CPSF3: variants seen among roughly 807,000 people sequenced by gnomAD.
CPSF3 encodes the protein cleavage and polyadenylation specific factor 3, also known as cleavage and polyadenylation specificity factor subunit 3.
In CPSF3, 57 loss-of-function variants were observed where a neutral mutation model predicts 84.1. The observed-to-expected ratio is 0.68, with a 90% CI of 0.55 to 0.85. CPSF3 has a LOEUF of 0.85. CPSF3 is among the 40% of genes least tolerant of loss of function. The probability of loss-of-function intolerance (pLI) is 0.00; values close to 1 mark genes in which losing one functional copy is unlikely to be tolerated. For synonymous variants in CPSF3, 275 were observed against 278.1 expected (o/e 0.99, Z 0.11); for missense variants, 522 against 838.8 (o/e 0.62, Z 4.66).
chr2:9,470,694 CTCAGCTGTT>C (rs1224142764), intron 16 of CPSF3, among the ~76,000 whole-genome samples: 1 of 152,208 alleles, frequency 6.6e-6, no homozygotes, highest in African/African-American at 2.4e-5. Flanking sequence ...TGAATGCCGG[CTCAGCTGTT>C]TACTAGCTGT....
chr2:9,444,461 T>C (rs1481689738), intron 10 of CPSF3, among the ~76,000 whole-genome samples: 2 of 151,866 alleles, frequency 1.3e-5, no homozygotes, highest in African/African-American at 4.8e-5. Context: ...TGTAACTTAT[T>C]AAAAATAAGT....
chr2:9,467,701 T>C lies in CPSF3; in HGVS notation c.1787-6T>C, dbSNP rs550962128. 178 of 1,598,046 alleles carry C rather than the reference T, an allele frequency of 1.1e-4. No homozygotes were observed. The highest frequency in any genetic ancestry group is 2.6e-4 in the African/African-American group (19 of 74,160). ...CTGAACTCTCTGTCGCTTTTTTTTT[T>C]CCCAGGTGCAGTACAGAAGGTTTCT... On this transcript the variant is annotated splice_region_variant and splice_polypyrimidine_tract_variant and intron_variant, in intron 15 of 17. Transcript: ENST00000238112.
intron 17 of CPSF3, among the ~76,000 whole-genome samples, chr2:9,472,425 T>C (rs1385807996): frequency 6.6e-6 from 1 of 152,134 alleles, no homozygotes; most frequent in Non-Finnish European, 1.5e-5. Flanking sequence ...GCCAAGTAAT[T>C]TGTGTGGCAT....
intron 16 of CPSF3, 183 bp downstream of exon 16, chr2:9,467,959 C>T (rs972093195): frequency 5.8e-5 from 30 of 512,852 alleles, no homozygotes; most frequent in African/African-American, 5.2e-4. Context: ...GCTCTGCACT[C>T]ACCTGTGACC....
intron 16 of CPSF3, among the ~76,000 whole-genome samples, chr2:9,471,068 G>A (rs1212129189): frequency 6.6e-6 from 1 of 152,134 alleles, no homozygotes; most frequent in Non-Finnish European, 1.5e-5. Flanking sequence ...ACAAAAATTA[G>A]CTGGCTGTGG....
chr2:9,432,510 G>A lies in CPSF3; in HGVS notation c.342-1G>A. ...TTTTGCTGGCATCTTTCAAAATTTA[G>A]TAACATATCAGCAGACGACATGCTG... On this transcript the variant is annotated splice_acceptor_variant, in intron 4 of 17. Coordinates refer to ENST00000238112, the MANE Select transcript of CPSF3 (RefSeq NM_016207.4). LOFTEE classifies it high-confidence loss of function. The A allele has an allele frequency of 6.8e-7, 1 of 1,462,402 alleles. No homozygotes were observed. Among genetic ancestry groups the A allele is most frequent in the Non-Finnish European group, 9.2e-7 (1 of 1,089,314 alleles). The allele number at this position is 1,462,402 out of a possible 1,614,324, so 90.6% of individuals were successfully genotyped here. A position where few individuals can be genotyped will look rare whatever the true frequency, so the allele number is the denominator to read the frequency against.
chr2:9,444,805 A>G (rs1029718562), intron 10 of CPSF3, among the ~76,000 whole-genome samples: 2 of 152,096 alleles, frequency 1.3e-5, no homozygotes, highest in African/African-American at 4.8e-5. Flanking sequence ...AGCTGGGATT[A>G]CAGGCACGTG....
At chr2:9,456,113 C>T (rs978084832) in intron 13 of CPSF3, among the ~76,000 whole-genome samples, 5 of 151,902 alleles carry the variant, frequency 3.3e-5, no homozygotes, top group Non-Finnish European at 5.9e-5. Context: ...TTATCTGTTT[C>T]TTTTCTTTGA....
At chr2:9,454,049 G>A (rs1011408254) in intron 12 of CPSF3, among the ~76,000 whole-genome samples, 1 of 151,860 alleles carries the variant, frequency 6.6e-6, no homozygotes, top group African/African-American at 2.4e-5. Flanking sequence ...TATTATTTTC[G>A]AGTAAATACT....
At chr2:9,469,593 T>G (rs1383962990) in intron 16 of CPSF3, among the ~76,000 whole-genome samples, 1 of 152,124 alleles carries the variant, frequency 6.6e-6, no homozygotes, top group Non-Finnish European at 1.5e-5. Context: ...CACTGGACTT[T>G]CACTCTGGCC....
intron 11 of CPSF3, among the ~76,000 whole-genome samples, chr2:9,450,646 G>A (rs1284191331): frequency 6.6e-6 from 1 of 152,102 alleles, no homozygotes; most frequent in East Asian, 1.9e-4. Flanking sequence ...AAATTAGCCA[G>A]TCGTGGTTGT....
chr2:9,438,965 T>C (rs1202923834), intron 7 of CPSF3, among the ~76,000 whole-genome samples: 1 of 152,186 alleles, frequency 6.6e-6, no homozygotes, highest in Non-Finnish European at 1.5e-5. Flanking sequence ...TTTAACTTTT[T>C]TTAATATTCA....
intron 17 of CPSF3, among the ~76,000 whole-genome samples, chr2:9,472,245 A>C (rs1682195297): frequency 6.7e-6 from 1 of 148,206 alleles, no homozygotes; most frequent in Admixed American, 6.8e-5. Flanking sequence ...ACCTTAACCC[A>C]AGAGACAGAG....
At chr2:9,428,121 C>T (rs554338423) in intron 1 of CPSF3, among the ~76,000 whole-genome samples, 2 of 151,850 alleles carry the variant, frequency 1.3e-5, no homozygotes, top group East Asian at 3.9e-4. Flanking sequence ...CTCAGCCTCC[C>T]GAGTAGCTGG....
chr2:9,473,063 T>C lies in CPSF3; in HGVS notation c.*46T>C, dbSNP rs961799497. On this transcript the variant is annotated 3_prime_UTR_variant, in exon 18 of 18. Transcript: ENST00000238112. ...TTTGAAAAAATACTTGACTCTACTTTTGTTACCTAAAATAAAATGCATTCG... is the reference window on the plus strand; with the variant it reads ...TTTGAAAAAATACTTGACTCTACTTCTGTTACCTAAAATAAAATGCATTCG... The C allele has an allele frequency of 1.5e-6, 2 of 1,359,194 alleles. No homozygotes were observed. Among genetic ancestry groups the C allele is most frequent in the Admixed American group, 3.7e-5 (2 of 54,280 alleles). The allele number at this position is 1,359,194 out of a possible 1,614,324, so 84.2% of individuals were successfully genotyped here. A position where few individuals can be genotyped will look rare whatever the true frequency, so the allele number is the denominator to read the frequency against.
chr2:9,424,065 C>T (rs1680231339), intron 1 of CPSF3: 1 of 1,202,652 alleles, frequency 8.3e-7, no homozygotes. Context: ...ATGTTGGAGT[C>T]GGAAAAAAAA....
intron 9 of CPSF3, among the ~76,000 whole-genome samples, chr2:9,442,449 C>G (rs13431028): frequency 2.8e-4 from 43 of 152,306 alleles, no homozygotes; most frequent in African/African-American, 9.9e-4. Flanking sequence ...ATCCAGGCAT[C>G]ACATTCTCAT....
chr2:9,469,692 G>A (rs1260131035), intron 16 of CPSF3, among the ~76,000 whole-genome samples: 1 of 152,068 alleles, frequency 6.6e-6, no homozygotes, highest in African/African-American at 2.4e-5. Flanking sequence ...TCAACTCTGA[G>A]GAACAGGAGT....
chr2:9,443,670 A>C lies in CPSF3; in HGVS notation c.1242+9A>C, dbSNP rs1453627961. 6.2e-7 allele frequency: 1 copy of C among 1,612,236 alleles called. No individual in the cohort carries two copies. Among genetic ancestry groups the C allele is most frequent in the African/African-American group, 1.3e-5 (1 of 74,704 alleles). ...TGAAACCGCCTCATGTGGTTAGTCTATGAATTTCATTTATTGTATTAAAGG... is the reference window on the plus strand; with the variant it reads ...TGAAACCGCCTCATGTGGTTAGTCTCTGAATTTCATTTATTGTATTAAAGG... On this transcript the variant is annotated intron_variant, in intron 10 of 17. Transcript: ENST00000238112.
Sources: allele counts gnomAD v4.1 joint callset (sites outside exome capture counted in the v4.1 genomes callset), GRCh38; gene constraint gnomAD v4.1.1; transcripts MANE v1.5; gene names NCBI Gene and HGNC (gene_info 2026-07-23, HGNC 2026-07-21).